The following PIBF1 variants were observed in gnomAD, a reference collection of about 807,000 sequenced individuals.
PIBF1 encodes progesterone-induced-blocking factor 1.
In PIBF1, 90 loss-of-function variants were observed where a neutral mutation model predicts 112.5. The ratio of observed to expected loss-of-function variants is 0.80; its 90% CI spans 0.67 to 0.95. The LOEUF (loss-of-function observed/expected upper bound fraction) is 0.95, where lower values mean the gene tolerates loss of function less well. PIBF1 is among the 40% of genes least tolerant of loss of function. PIBF1 has a pLI of 0.00. For missense variants in PIBF1, 915 were observed against 852.3 expected, an observed-to-expected ratio of 1.07 and a Z score of -0.92; for synonymous variants, 301 against 288.6, an observed-to-expected ratio of 1.04 and a Z score of -0.44.
intron 11 of PIBF1, 118 bp from the exon 12 acceptor site, chr13:72,908,410 GCTA>G: frequency 2.3e-6 from 1 of 442,012 alleles, no homozygotes; most frequent in Non-Finnish European, 4.0e-6. Context: ...TCTTAATTGA[GCTA>G]CTTTCTCTTA....
intron 8 of PIBF1, among the ~76,000 whole-genome samples, chr13:72,834,069 A>G (rs1055564117): frequency 4.6e-5 from 7 of 152,164 alleles, no homozygotes; most frequent in African/African-American, 1.4e-4. Flanking sequence ...TAATATCTCT[A>G]TAGAAGTATT....
chr13:72,863,717 A>G (rs947652124), intron 10 of PIBF1, among the ~76,000 whole-genome samples: 3 of 152,154 alleles, frequency 2.0e-5, no homozygotes, highest in Admixed American at 6.5e-5. Context: ...ACAAAGTAAT[A>G]CAGAATTAAA....
At chr13:72,982,778 T>C (rs1379359579) in intron 16 of PIBF1, among the ~76,000 whole-genome samples, 2 of 152,200 alleles carry the variant, frequency 1.3e-5, no homozygotes, top group Non-Finnish European at 2.9e-5. Flanking sequence ...TACTGAAATA[T>C]TTTAGCTGAA....
chr13:72,875,929 C>T (rs994616718), intron 10 of PIBF1, among the ~76,000 whole-genome samples: 3 of 152,048 alleles, frequency 2.0e-5, no homozygotes, highest in Admixed American at 2.0e-4. Flanking sequence ...AGTGCAGAAA[C>T]TTTTAACTTT....
chr13:72,783,286 AATAATCTGTTCTAGAT>A (rs760201625), intron 1 of PIBF1, 121 bp from the exon 2 acceptor site: 18,552 of 535,292 alleles, frequency 0.035, 399 homozygotes, highest in South Asian at 0.046. Flanking sequence ...ACTTAACTGC[AATAATCTGTTCTAGAT>A]TTGGGATGCA....
At chr13:72,961,849 T>G (rs1483503246) in intron 14 of PIBF1, among the ~76,000 whole-genome samples, 1 of 152,144 alleles carries the variant, frequency 6.6e-6, no homozygotes, top group East Asian at 1.9e-4. Flanking sequence ...ACAAGTAAAT[T>G]TTTTAAAACT....
chr13:72,885,980 ATTTAT>A (rs918655055), intron 10 of PIBF1, among the ~76,000 whole-genome samples: 1 of 152,166 alleles, frequency 6.6e-6, no homozygotes, highest in African/African-American at 2.4e-5. Context: ...ATAAATTAAC[ATTTAT>A]AGGGCTTCCC....
At chr13:73,005,355 G>T (rs2043999514) in intron 17 of PIBF1, among the ~76,000 whole-genome samples, 2 of 150,930 alleles carry the variant, frequency 1.3e-5, no homozygotes, top group African/African-American at 2.4e-5. Context: ...TGCCTATGAT[G>T]CTAAGCTACT....
At chr13:72,830,479 G>A (rs1432533358) in intron 8 of PIBF1, among the ~76,000 whole-genome samples, 1 of 152,068 alleles carries the variant, frequency 6.6e-6, no homozygotes, top group Non-Finnish European at 1.5e-5. Context: ...AGAGTTTTTA[G>A]CATGAAGGGG....
intron 5 of PIBF1, among the ~76,000 whole-genome samples, chr13:72,808,780 C>T (rs1445032275): frequency 1.3e-5 from 2 of 152,126 alleles, no homozygotes; most frequent in Admixed American, 6.6e-5. Context: ...TTCTCATGCA[C>T]CTTGATCCAT....
intron 16 of PIBF1, among the ~76,000 whole-genome samples, chr13:72,977,237 C>T (rs945915182): frequency 2.4e-4 from 36 of 152,114 alleles, no homozygotes; most frequent in African/African-American, 8.0e-4. Context: ...TGGAGTCTTG[C>T]TCTGTCACCC....
intron 5 of PIBF1, among the ~76,000 whole-genome samples, chr13:72,814,493 TTA>T (rs1317853050): frequency 6.7e-6 from 1 of 148,736 alleles, no homozygotes; most frequent in African/African-American, 2.5e-5. Context: ...AAGTAAAAAA[TTA>T]TATAATAAAT....
chr13:72,872,130 T>A (rs1006773463), intron 10 of PIBF1, among the ~76,000 whole-genome samples: 1 of 151,682 alleles, frequency 6.6e-6, no homozygotes, highest in African/African-American at 2.4e-5. Context: ...GTATAAAATA[T>A]AATAATAGTA....
chr13:72,995,300 CAA>C (rs1363475945), intron 16 of PIBF1, among the ~76,000 whole-genome samples: 17 of 86,830 alleles, frequency 2.0e-4, no homozygotes, highest in Admixed American at 2.5e-4. Context: ...GACTCCGTCT[CAA>C]AAAAAAAAAA....
intron 10 of PIBF1, among the ~76,000 whole-genome samples, chr13:72,871,605 C>G (rs1012882146): frequency 6.6e-6 from 1 of 152,142 alleles, no homozygotes; most frequent in African/African-American, 2.4e-5. Flanking sequence ...CGACCAGCCT[C>G]AAGTGATCTT....
At chr13:72,952,035 C>CTT (rs67211238) in intron 14 of PIBF1, among the ~76,000 whole-genome samples, 3,227 of 122,936 alleles carry the variant, frequency 0.026, 166 homozygotes, top group African/African-American at 0.086. Flanking sequence ...TTTCTTTTCT[C>CTT]TTTTTTTTTT....
At chr13:72,845,522 T>C (rs1594037288) in intron 9 of PIBF1, among the ~76,000 whole-genome samples, 1 of 152,200 alleles carries the variant, frequency 6.6e-6, no homozygotes, top group South Asian at 2.1e-4. Flanking sequence ...GTCCTTTTGG[T>C]ATATACCTAG....
chr13:72,851,561 C>T (rs2138305732), intron 9 of PIBF1, among the ~76,000 whole-genome samples: 1 of 152,336 alleles, frequency 6.6e-6, no homozygotes, highest in Admixed American at 6.5e-5. Flanking sequence ...CCAGGCTGGG[C>T]GCCAGGTTAC....
chr13:72,894,551 A>G (rs988095039), intron 11 of PIBF1, among the ~76,000 whole-genome samples: 1 of 151,830 alleles, frequency 6.6e-6, no homozygotes, highest in African/African-American at 2.4e-5. Context: ...AAGCCCCAAA[A>G]CATATTTACA....
Sources: gnomAD v4.1 joint callset for allele counts (sites outside exome capture counted in the v4.1 genomes callset) on GRCh38, gnomAD v4.1.1 for gene constraint, MANE v1.5 for transcripts, NCBI Gene and HGNC (gene_info 2026-07-23, HGNC 2026-07-21) for gene names.